AHRR: variants seen among roughly 807,000 people sequenced by gnomAD.
AHRR encodes ahR repressor.
Under a neutral mutation model 44.0 loss-of-function variants are expected in AHRR, and 28 were observed. The observed-to-expected ratio is 0.64, with a 90% CI of 0.47 to 0.87. The LOEUF (loss-of-function observed/expected upper bound fraction) is 0.87. Ranked by LOEUF, AHRR falls within the 40% of genes least tolerant of loss-of-function variation. The pLI is 0.00. For missense variants in AHRR, 990 were observed against 953.9 expected (o/e 1.04, Z -0.50); for synonymous variants, 434 against 407.0 (o/e 1.07, Z -0.80).
intron 3 of AHRR, among the ~76,000 whole-genome samples, chr5:374,836 G>A (rs4957030): frequency 0.42 from 63,267 of 152,066 alleles, 14,976 homozygotes; most frequent in Non-Finnish European, 0.54. Context: ...TCTGGTGGAG[G>A]GTGGGGTGCT....
chr5:359,505 G>A (rs1579620316), intron 3 of AHRR, among the ~76,000 whole-genome samples: 2 of 152,322 alleles, frequency 1.3e-5, no homozygotes, highest in East Asian at 3.9e-4. Context: ...TTGTTGCTGT[G>A]TAGAGAAGTG....
chr5:339,467 GT>G (rs1053646212), intron 1 of AHRR, among the ~76,000 whole-genome samples: 2 of 152,138 alleles, frequency 1.3e-5, no homozygotes, highest in Admixed American at 6.6e-5. Flanking sequence ...AACAGATAGA[GT>G]TTTCTTTTAT....
At position 399,220 on chromosome 5, in the gene AHRR, G is replaced by A. The variant is rs184637779; in HGVS notation, c.352-14124G>A. ...GGCTGGTGGTGCAGGACACACCCAG[G>A]GCGTGGGGTCCCAGGCTTAGGGATC... On this transcript the variant is annotated intron_variant, in intron 4 of 10. Transcript: ENST00000684583. Among the ~76,000 whole-genome samples the A allele has an allele frequency of 3.3e-3, 508 of 152,330 alleles. 10 individuals are homozygous for A. Among genetic ancestry groups the A allele is most frequent in the East Asian group, 0.012 (62 of 5,176 alleles).
intron 3 of AHRR, among the ~76,000 whole-genome samples, chr5:368,658 A>G (rs549510567): frequency 2.0e-5 from 3 of 152,314 alleles, no homozygotes; most frequent in African/African-American, 7.2e-5. Flanking sequence ...TGGGGTTCCA[A>G]GGCCAGGGTG....
At chr5:384,549 G>A (rs62331575) in intron 4 of AHRR, among the ~76,000 whole-genome samples, 6,384 of 151,854 alleles carry the variant, frequency 0.042, 195 homozygotes, top group South Asian at 0.064. Flanking sequence ...TCAGTCTCCC[G>A]AGTGGCTGGG....
chr5:421,403 C>A, intron 5 of AHRR: 1 of 574,342 alleles, frequency 1.7e-6, no homozygotes, highest in Admixed American at 3.0e-5. Flanking sequence ...GAGGGCGGCC[C>A]GGACTCAGAG....
chr5:416,194 G>C (rs1735804823), intron 5 of AHRR, among the ~76,000 whole-genome samples: 1 of 152,244 alleles, frequency 6.6e-6, no homozygotes, highest in Admixed American at 6.5e-5. Context: ...ACCGTGCAGT[G>C]GACATGGCTG....
chr5:418,341 A>G (rs147761597), intron 5 of AHRR, among the ~76,000 whole-genome samples: 1 of 152,182 alleles, frequency 6.6e-6, no homozygotes, highest in Non-Finnish European at 1.5e-5. Context: ...AAGATTAAGA[A>G]AGACTTAGGG....
rs4987100 is a variant in AHRR at position 422,758 on chromosome 5, C to T, written c.471C>T (p.Asp157=). The change falls in exon 6 of 11, where the codon GAC becomes GAT. Residue 157 remains aspartate, a synonymous_variant. Transcript: ENST00000684583. ...QTDVMHQNIY[D]YIHVDDRQDF... is the part of the protein sequence containing the mutation. Reference sequence around the variant, plus strand: ...ATGTAATGCACCAGAACATTTATGACTACATCCACGTGGACGACCGCCAGG... The same window carrying T: ...ATGTAATGCACCAGAACATTTATGATTACATCCACGTGGACGACCGCCAGG... The T allele has an allele frequency of 3.5e-4, 557 of 1,614,198 alleles. 6 individuals are homozygous for T. The East Asian group carries it at 9.6e-3, about 28-fold the overall frequency.
At chr5:403,698 T>A in intron 4 of AHRR, 1 of 772,500 alleles carries the variant, frequency 1.3e-6, no homozygotes, top group African/African-American at 1.9e-5. Flanking sequence ...TTTTTTTTAC[T>A]TTCTCTCAGA....
chr5:330,516 G>T (rs1313932282), intron 1 of AHRR, among the ~76,000 whole-genome samples: 1 of 152,092 alleles, frequency 6.6e-6, no homozygotes, highest in Non-Finnish European at 1.5e-5. Context: ...TAGGCTTACA[G>T]GTGCACACCA....
chr5:325,040 T>C (rs909691455), intron 1 of AHRR, among the ~76,000 whole-genome samples: 3 of 152,192 alleles, frequency 2.0e-5, no homozygotes, highest in Non-Finnish European at 4.4e-5. Context: ...GAGTAGTCAC[T>C]GGTATGTGAG....
chr5:401,546 G>A (rs561943989), intron 4 of AHRR, among the ~76,000 whole-genome samples: 2 of 152,320 alleles, frequency 1.3e-5, no homozygotes, highest in Middle Eastern at 3.4e-3. Context: ...TACTCCCCAC[G>A]GTCAACTCCA....
At chr5:413,678 G>A (rs925437808) in intron 5 of AHRR, among the ~76,000 whole-genome samples, 2 of 152,172 alleles carry the variant, frequency 1.3e-5, no homozygotes, top group South Asian at 4.1e-4. Flanking sequence ...CAGCCGTGGC[G>A]TGCGGACGGC....
rs1016351707 is a variant in AHRR, at chr5:434,676, T to G, written c.1936T>G (p.Cys646Gly). ...ARGRGEQSCT[C>G]RAAEAAPVVK... ...GGGCCGAGGTGAACAGTCCTGCACC[T>G]GCAGAGCTGCTGAGGCCGCCCCTGT... Residue 646 changes from cysteine to glycine, a missense_variant, in exon 11 of 11, where the codon TGC (cysteine) becomes GGC (glycine). By Grantham distance (159) the Cys-to-Gly change is radical (BLOSUM62 -3). Coordinates refer to ENST00000684583, the MANE Select transcript of AHRR (RefSeq NM_001377236.1). 6.4e-7 allele frequency: 1 copy of G among 1,569,182 alleles called. No homozygotes were observed. The highest frequency in any genetic ancestry group is 1.4e-5 in the African/African-American group (1 of 74,010).
At chr5:331,459 G>A (rs955894658) in intron 1 of AHRR, among the ~76,000 whole-genome samples, 7 of 151,996 alleles carry the variant, frequency 4.6e-5, no homozygotes, top group Admixed American at 4.6e-4. Flanking sequence ...TCTCTATTTC[G>A]TTTAGCACTG....
At chr5:346,898 C>T (rs1185052872) in intron 2 of AHRR, among the ~76,000 whole-genome samples, 1 of 152,174 alleles carries the variant, frequency 6.6e-6, no homozygotes, top group Non-Finnish European at 1.5e-5. Context: ...TGTCTTCTTC[C>T]AGGGTCCACG....
chr5:339,509 A>G (rs1249204387), intron 1 of AHRR, among the ~76,000 whole-genome samples: 1 of 151,704 alleles, frequency 6.6e-6, no homozygotes. Context: ...ACTTTTATTT[A>G]TTTCCCAGTT....
chr5:365,281 G>A (rs546657867), intron 3 of AHRR, among the ~76,000 whole-genome samples: 4 of 152,110 alleles, frequency 2.6e-5, no homozygotes, highest in Non-Finnish European at 4.4e-5. Flanking sequence ...AATTTCAAAA[G>A]ATAAAATATT....
Sources: allele counts gnomAD v4.1 joint callset (sites outside exome capture counted in the v4.1 genomes callset), GRCh38; gene constraint gnomAD v4.1.1; transcripts MANE v1.5; gene names NCBI Gene and HGNC (gene_info 2026-07-23, HGNC 2026-07-21).